Variants in JPH3 observed in about 807,000 individuals in gnomAD.
The protein encoded by JPH3 is junctophilin 3.
A neutral mutation model predicts 59.6 loss-of-function variants in JPH3; 11 were observed. That is an observed-to-expected ratio of 0.18 (90% CI 0.12 to 0.31). The LOEUF (loss-of-function observed/expected upper bound fraction) is 0.31. Among genes scored for constraint, JPH3 ranks in the 10% least tolerant of loss-of-function variants. The pLI is 1.00. For synonymous variants in JPH3, 673 were observed against 483.6 expected, an observed-to-expected ratio of 1.39 and a Z score of -5.14; for missense variants, 1,202 against 1,105.7, an observed-to-expected ratio of 1.09 and a Z score of -1.24.
chr16:87,658,588 G>A (rs2032588750), intron 2 of JPH3, among the ~76,000 whole-genome samples: 1 of 151,992 alleles, frequency 6.6e-6, no homozygotes, highest in South Asian at 2.1e-4. Flanking sequence ...CTTCACCTGT[G>A]AATTCCTGAA....
chr16:87,696,264 A>G, intron 4 of JPH3: 1 of 475,776 alleles, frequency 2.1e-6, no homozygotes, highest in Admixed American at 3.1e-5. Flanking sequence ...GCTTGCAGGG[A>G]GGCCTGGGTG....
chr16:87,642,336 C>G (rs1266124265), intron 1 of JPH3, among the ~76,000 whole-genome samples: 2 of 152,290 alleles, frequency 1.3e-5, no homozygotes, highest in South Asian at 2.1e-4. Context: ...TAAAAAGTGA[C>G]TGGCAGAACA....
At chr16:87,677,980 G>T (rs940588149) in intron 2 of JPH3, among the ~76,000 whole-genome samples, 4 of 152,258 alleles carry the variant, frequency 2.6e-5, no homozygotes, top group African/African-American at 9.6e-5. Flanking sequence ...AAGGCTGGGT[G>T]TGGTGGCTCC....
intron 1 of JPH3, among the ~76,000 whole-genome samples, chr16:87,607,706 G>A (rs1001493136): frequency 2.6e-5 from 4 of 152,226 alleles, no homozygotes; most frequent in South Asian, 2.1e-4. Context: ...ACCATGGGGC[G>A]TATGCTTTGT....
At chr16:87,642,373 A>G (rs761764121) in intron 1 of JPH3, among the ~76,000 whole-genome samples, 1 of 152,178 alleles carries the variant, frequency 6.6e-6, no homozygotes, top group Non-Finnish European at 1.5e-5. Flanking sequence ...GCTCCTGTCC[A>G]TTTTGTCCTC....
chr16:87,684,557 C>T (rs1307035021), intron 3 of JPH3: 2 of 413,170 alleles, frequency 4.8e-6, no homozygotes, highest in Non-Finnish European at 8.9e-6. Flanking sequence ...TTCCCACCTG[C>T]CCAGCCTGTG....
chr16:87,626,512 C>T (rs917793312), intron 1 of JPH3, among the ~76,000 whole-genome samples: 1 of 152,230 alleles, frequency 6.6e-6, no homozygotes, highest in African/African-American at 2.4e-5. Context: ...GGTGTGGGGG[C>T]CCCTGTGCCC....
At chr16:87,646,780 G>A (rs1314892089) in intron 2 of JPH3, among the ~76,000 whole-genome samples, 1 of 152,126 alleles carries the variant, frequency 6.6e-6, no homozygotes, top group Admixed American at 6.5e-5. Flanking sequence ...CCTGCAGATT[G>A]GTTCATGAGT....
intron 2 of JPH3, among the ~76,000 whole-genome samples, chr16:87,667,944 G>A (rs574496159): frequency 6.6e-6 from 1 of 152,320 alleles, no homozygotes; most frequent in East Asian, 1.9e-4. Flanking sequence ...CCCTGCCCTT[G>A]GTGGACACTC....
chr16:87,683,477 G>GT (rs1169335964), intron 2 of JPH3, among the ~76,000 whole-genome samples: 1 of 151,698 alleles, frequency 6.6e-6, no homozygotes, highest in African/African-American at 2.4e-5. Flanking sequence ...GCTAATTTTT[G>GT]TAATTTTTAG....
chr16:87,618,779 C>A (rs188769558), intron 1 of JPH3, among the ~76,000 whole-genome samples: 1 of 152,282 alleles, frequency 6.6e-6, no homozygotes, highest in African/African-American at 2.4e-5. Context: ...TGTTCAGATC[C>A]TTGCCCATTT....
intron 2 of JPH3, among the ~76,000 whole-genome samples, chr16:87,660,500 A>C (rs2032665760): frequency 6.6e-6 from 1 of 152,186 alleles, no homozygotes; most frequent in Non-Finnish European, 1.5e-5. Context: ...ACCAGAGGCC[A>C]CAGGCTGGAC....
rs1433973326 is a variant in JPH3 at position 87,689,878 on chromosome 16, G to T, written c.1518G>T (p.Ser506=). The T allele has an allele frequency of 2.7e-6, 4 of 1,486,546 alleles. No individual in the cohort carries two copies. The highest frequency in any genetic ancestry group is 3.6e-6 in the Non-Finnish European group (4 of 1,118,042). 92.1% of individuals were successfully genotyped at this position (1,486,546 alleles called of 1,614,324 possible). The change falls in exon 4 of 5, where the codon TCG becomes TCT. Residue 506 remains serine (S), a synonymous_variant. Coordinates refer to ENST00000284262, the MANE Select transcript of JPH3 (RefSeq NM_020655.4). The part of the protein sequence containing the change: ...NKVAHFSRQV[S]VDEERGGDIQ... ...TCGCCCACTTCTCGAGGCAGGTGTC[G>T]GTGGACGAGGAGCGGGGCGGGGACA... is the stretch of plus-strand genomic sequence containing the variant.
intron 2 of JPH3, among the ~76,000 whole-genome samples, chr16:87,655,764 C>A (rs912374193): frequency 1.3e-5 from 2 of 152,260 alleles, no homozygotes; most frequent in African/African-American, 4.8e-5. Context: ...ACGTCTCGGC[C>A]CCCCGTGTGG....
At chr16:87,644,234 A>G in intron 1 of JPH3, 24 bp from the exon 2 acceptor site, 1 of 1,582,328 alleles carries the variant, frequency 6.3e-7, no homozygotes, top group Non-Finnish European at 8.6e-7. Context: ...CTGGGCACTC[A>G]CCCCTCTCTC....
chr16:87,672,400 G>A (rs558057599), intron 2 of JPH3, among the ~76,000 whole-genome samples: 12 of 152,308 alleles, frequency 7.9e-5, no homozygotes, highest in Non-Finnish European at 1.2e-4. Flanking sequence ...CCCCAGCCGC[G>A]CCCTTGGCAG....
chr16:87,647,846 C>G (rs2032203975), intron 2 of JPH3, among the ~76,000 whole-genome samples: 1 of 152,228 alleles, frequency 6.6e-6, no homozygotes, highest in African/African-American at 2.4e-5. Context: ...GAGGAGGTGT[C>G]AGGCCTCAAA....
chr16:87,637,447 A>G (rs947412278), intron 1 of JPH3, among the ~76,000 whole-genome samples: 6 of 143,378 alleles, frequency 4.2e-5, no homozygotes, highest in African/African-American at 1.7e-4. Flanking sequence ...TGTGTGTTTT[A>G]AATGAAGGCT....
At chr16:87,695,727 T>TC (rs754283846) in intron 4 of JPH3, 3 of 418,432 alleles carry the variant, frequency 7.2e-6, no homozygotes, top group South Asian at 1.6e-5. Flanking sequence ...ACGCTCCCTC[T>TC]CCCCCTGCCT....
Sources: gnomAD v4.1 joint callset for allele counts (sites outside exome capture counted in the v4.1 genomes callset) on GRCh38, gnomAD v4.1.1 for gene constraint, MANE v1.5 for transcripts, NCBI Gene and HGNC (gene_info 2026-07-23, HGNC 2026-07-21) for gene names.